Variants in PARD3 observed in about 807,000 individuals in gnomAD.
PARD3 encodes the protein partitioning defective 3 homolog.
In PARD3, 75 loss-of-function variants were observed where a neutral mutation model predicts 155.4. The observed-to-expected ratio is 0.48, with a 90% CI of 0.40 to 0.58. PARD3 has a LOEUF of 0.58. Among genes scored for constraint, PARD3 ranks in the 20% least tolerant of loss-of-function variants. The pLI, the probability that PARD3 is intolerant of heterozygous loss-of-function variation, is 0.00. For synonymous variants in PARD3, 576 were observed against 610.5 expected (o/e 0.94, Z 0.83); for missense variants, 1,642 against 1,721.7 (o/e 0.95, Z 0.82).
intron 21 of PARD3, among the ~76,000 whole-genome samples, chr10:34,271,369 G>A (rs1242115053): frequency 6.6e-6 from 1 of 152,096 alleles, no homozygotes. Flanking sequence ...ACCAAATGGT[G>A]TTTACTGCAA....
At chr10:34,416,407 A>G (rs374522259) in intron 5 of PARD3, among the ~76,000 whole-genome samples, 122 of 152,326 alleles carry the variant, frequency 8.0e-4, no homozygotes, top group African/African-American at 2.7e-3. Context: ...GACTTTGCAG[A>G]GAACATCACT....
At chr10:34,680,576 G>A (rs1590610511) in intron 2 of PARD3, among the ~76,000 whole-genome samples, 3 of 151,044 alleles carry the variant, frequency 2.0e-5, no homozygotes, top group African/African-American at 7.3e-5. Context: ...AAAAATGAGG[G>A]GAGGGGAAGG....
intron 2 of PARD3, among the ~76,000 whole-genome samples, chr10:34,524,258 A>C (rs886100661): frequency 2.6e-5 from 4 of 152,214 alleles, no homozygotes; most frequent in African/African-American, 9.6e-5. Flanking sequence ...CACCATCATC[A>C]TAAGCTTCTA....
At chr10:34,167,280 G>C (rs1949576386) in intron 22 of PARD3, among the ~76,000 whole-genome samples, 1 of 152,164 alleles carries the variant, frequency 6.6e-6, no homozygotes, top group South Asian at 2.1e-4. Flanking sequence ...GAACACCTCA[G>C]GGTCACTGTG....
chr10:34,181,534 G>T (rs1950267498), intron 22 of PARD3, among the ~76,000 whole-genome samples: 1 of 152,188 alleles, frequency 6.6e-6, no homozygotes, highest in Admixed American at 6.5e-5. Flanking sequence ...TCAAAAGGCA[G>T]ATACAACCCA....
chr10:34,663,273 G>A (rs527237280), intron 2 of PARD3, among the ~76,000 whole-genome samples: 7 of 152,084 alleles, frequency 4.6e-5, no homozygotes, highest in South Asian at 2.1e-4. Context: ...AGACCAGCCC[G>A]GGCAACATGG....
rs1844479654 is a variant in PARD3 at position 34,406,408 on chromosome 10, T to C, written c.715-4491A>G. On this transcript the variant is annotated intron_variant, in intron 5 of 24. Coordinates refer to ENST00000374788, the MANE Select transcript of PARD3 (RefSeq NM_001184785.2). ...ATCAGTCAGAACCCAAGGGAAGTCCTAGAACACGGGAGAAATGGCAGTTTA... is the reference window on the plus strand; with the variant it reads ...ATCAGTCAGAACCCAAGGGAAGTCCCAGAACACGGGAGAAATGGCAGTTTA... Among the ~76,000 whole-genome samples, 3 of 152,166 alleles carry C rather than the reference T, an allele frequency of 2.0e-5. No individual in the cohort carries two copies. The South Asian group carries it at 6.2e-4, about 31-fold the overall frequency.
intron 2 of PARD3, among the ~76,000 whole-genome samples, chr10:34,657,052 C>T (rs2093188690): frequency 6.6e-6 from 1 of 152,138 alleles, no homozygotes; most frequent in Non-Finnish European, 1.5e-5. Context: ...CAAACTTTGA[C>T]CCTAAACTTA....
chr10:34,345,860 A>G (rs1211749290), intron 15 of PARD3: 1 of 985,260 alleles, frequency 1.0e-6, no homozygotes, highest in African/African-American at 1.7e-5. Flanking sequence ...AGATACTAGA[A>G]TAAGGACTGA....
intron 2 of PARD3, among the ~76,000 whole-genome samples, chr10:34,625,667 C>T (rs1405766733): frequency 6.6e-6 from 1 of 152,142 alleles, no homozygotes; most frequent in Non-Finnish European, 1.5e-5. Context: ...AATCCCAGCA[C>T]TTTGGGAGGC....
intron 1 of PARD3, among the ~76,000 whole-genome samples, chr10:34,766,490 C>G (rs1474797124): frequency 6.6e-6 from 1 of 151,956 alleles, no homozygotes; most frequent in Non-Finnish European, 1.5e-5. Context: ...CTACTAGCCC[C>G]AAAGCTGATT....
intron 24 of PARD3, among the ~76,000 whole-genome samples, chr10:34,119,246 T>C (rs938591164): frequency 1.2e-4 from 19 of 152,232 alleles, no homozygotes; most frequent in African/African-American, 4.6e-4. Context: ...TATCATTTAT[T>C]CTAATAACCA....
At chr10:34,269,609 T>C in intron 22 of PARD3, 48 bp downstream of exon 22, 1 of 1,602,262 alleles carries the variant, frequency 6.2e-7, no homozygotes, top group Non-Finnish European at 8.5e-7. Flanking sequence ...TCAGAAGCTG[T>C]ATAAAAGCTG....
At chr10:34,669,063 G>A (rs971465431) in intron 2 of PARD3, among the ~76,000 whole-genome samples, 3 of 152,204 alleles carry the variant, frequency 2.0e-5, no homozygotes, top group Non-Finnish European at 2.9e-5. Flanking sequence ...ATTTCCCAAA[G>A]AACTAAAATT....
At chr10:34,238,535 C>T (rs960220107) in intron 22 of PARD3, among the ~76,000 whole-genome samples, 1 of 151,944 alleles carries the variant, frequency 6.6e-6, no homozygotes, top group Non-Finnish European at 1.5e-5. Flanking sequence ...GGGTCCCAGA[C>T]AAAGAAGCTG....
intron 3 of PARD3, among the ~76,000 whole-genome samples, chr10:34,485,136 G>A (rs546135797): frequency 1.3e-5 from 2 of 152,258 alleles, no homozygotes; most frequent in South Asian, 4.2e-4. Flanking sequence ...TCAGGAGTTC[G>A]AGACCAGTGT....
At chr10:34,652,327 T>C (rs2133066007) in intron 2 of PARD3, among the ~76,000 whole-genome samples, 1 of 152,330 alleles carries the variant, frequency 6.6e-6, no homozygotes, top group South Asian at 2.1e-4. Flanking sequence ...CAGAGGCTAT[T>C]GGCTGAGATG....
Position 34,352,924 on chromosome 10 carries a change from C to T in PARD3, c.2068-4809G>A, listed in dbSNP as rs565443838. Among the ~76,000 whole-genome samples, 664 of 151,636 alleles carry T rather than the reference C, an allele frequency of 4.4e-3. 4 individuals are homozygous for T. The highest frequency in any genetic ancestry group is 0.015 in the African/African-American group (633 of 41,418). On this transcript the variant is annotated intron_variant, in intron 14 of 24. Transcript: ENST00000374788. ...GGAGCGTCTCTGCCCGGCCGCCCAT[C>T]GTCTGAGATGTGGGGAGCGCCTCTG... is the stretch of plus-strand genomic sequence containing the variant.
At chr10:34,496,943 A>T (rs942869460) in intron 3 of PARD3, among the ~76,000 whole-genome samples, 1 of 152,174 alleles carries the variant, frequency 6.6e-6, no homozygotes, top group African/African-American at 2.4e-5. Context: ...AGAAGAAGTG[A>T]CATGAGGTCT....
Sources: allele counts gnomAD v4.1 joint callset (sites outside exome capture counted in the v4.1 genomes callset), GRCh38; gene constraint gnomAD v4.1.1; transcripts MANE v1.5; gene names NCBI Gene and HGNC (gene_info 2026-07-23, HGNC 2026-07-21).